Variants in PTCD1 observed in about 807,000 individuals in gnomAD.
The protein encoded by PTCD1 is pentatricopeptide repeat-containing protein 1, mitochondrial.
A neutral mutation model predicts 53.4 loss-of-function variants in PTCD1; 50 were observed. The observed-to-expected ratio is 0.94, with a 90% CI of 0.75 to 1.19. The LOEUF is 1.19. Ranked by LOEUF, PTCD1 falls within the 50% of genes most tolerant of loss-of-function variation. PTCD1 has a pLI of 0.00. For synonymous variants in PTCD1, 413 were observed against 394.8 expected, an observed-to-expected ratio of 1.05 and a Z score of -0.55; for missense variants, 918 against 904.8, an observed-to-expected ratio of 1.01 and a Z score of -0.19.
rs1328284938 is a variant in PTCD1 at position 99,417,797 on chromosome 7, G to T, written c.*2170C>A. On this transcript the variant is annotated 3_prime_UTR_variant, in exon 8 of 8. Transcript: ENST00000292478. ...GTGGCTGTGTGTTTGTTAGGTCTGG[G>T]GTCAATCTCAACTCCACTTTTGGGC... 27 of 1,518,314 alleles carry T rather than the reference G, an allele frequency of 1.8e-5. No individual in the cohort carries two copies. Among genetic ancestry groups the T allele is most frequent in the Non-Finnish European group, 2.2e-5 (25 of 1,138,202 alleles). 94.1% of individuals were successfully genotyped at this position (1,518,314 alleles called of 1,614,324 possible). A position where few individuals can be genotyped will look rare whatever the true frequency, so the allele number is the denominator to read the frequency against.
intron 6 of PTCD1, among the ~76,000 whole-genome samples, chr7:99,424,593 G>A (rs1366334909): frequency 6.6e-6 from 1 of 152,150 alleles, no homozygotes; most frequent in African/African-American, 2.4e-5. Flanking sequence ...GTGTCTCTAC[G>A]CCCAGCCCTG....
Position 99,417,680 on chromosome 7 carries a change from TG to T in PTCD1, c.*2286del, listed in dbSNP as rs1281195801. 6.4e-7 allele frequency: 1 copy of T among 1,570,576 alleles called. No individual in the cohort carries two copies. The highest frequency in any genetic ancestry group is 8.6e-7 in the Non-Finnish European group (1 of 1,164,206). ...TGCAAGGGATCTTATGTTATTTGGT[TG>T]GGCTGGAATGTCGTTTTGTCCCTGG... On this transcript the variant is annotated 3_prime_UTR_variant, in exon 8 of 8. Coordinates refer to ENST00000292478, the MANE Select transcript of PTCD1 (RefSeq NM_015545.4).
In PTCD1 at chr7:99,425,035, G is replaced by A. The variant is rs770336095; in HGVS notation, c.1497C>T (p.Ser499=). 29 of 1,614,066 alleles carry A rather than the reference G, an allele frequency of 1.8e-5. No individual in the cohort carries two copies. The Admixed American group carries it at 3.2e-4, about 18-fold the overall frequency. ...GCAGCAAGGACTCTGCAGGACTCCC[G>A]GACTCCACCACCTCGGCCAGTAGCG... ...TLTLLAEVVE[S]GSPAESLLLA... is the part of the protein sequence containing the mutation. The change falls in exon 6 of 8, where the codon TCC becomes TCT. Residue 499 remains serine (S), a synonymous_variant. Transcript: ENST00000292478.
In PTCD1 at chr7:99,419,362, C is replaced by A; in HGVS notation, c.*605G>T. On this transcript the variant is annotated 3_prime_UTR_variant, in exon 8 of 8. Transcript: ENST00000292478. The stretch of plus-strand genomic sequence containing the variant: ...TGCAGGGGCGAGCGTGGCGCAGTGG[C>A]ATCGTCTCACTGTCCTCCTCCGTTG... The A allele has an allele frequency of 6.2e-7, 1 of 1,612,176 alleles. No homozygotes were observed. The highest frequency in any genetic ancestry group is 1.1e-5 in the South Asian group (1 of 91,078).
intron 5 of PTCD1, among the ~76,000 whole-genome samples, chr7:99,426,014 G>A (rs187983818): frequency 2.6e-5 from 4 of 152,152 alleles, no homozygotes; most frequent in East Asian, 1.9e-4. Flanking sequence ...GCAGTGAGCC[G>A]TGATCATGCC....
At chr7:99,427,381 C>T (rs1431937702) in intron 5 of PTCD1, among the ~76,000 whole-genome samples, 4 of 147,426 alleles carry the variant, frequency 2.7e-5, no homozygotes, top group Non-Finnish European at 6.0e-5. Context: ...CCCGGCCAGC[C>T]GCCCCGTCCG....
chr7:99,424,316 G>A (rs1373069711), intron 6 of PTCD1, among the ~76,000 whole-genome samples: 2 of 152,188 alleles, frequency 1.3e-5, no homozygotes, highest in African/African-American at 4.8e-5. Flanking sequence ...GGGTGAGCCC[G>A]GTAGGGTCCA....
At chr7:99,422,962 A>T (rs775334103) in intron 7 of PTCD1, among the ~76,000 whole-genome samples, 39 of 148,414 alleles carry the variant, frequency 2.6e-4, no homozygotes, top group Non-Finnish European at 5.3e-4. Context: ...GTGGCAACCC[A>T]CTTCTCTGGC....
chr7:99,433,070 A>G, intron 3 of PTCD1: 2 of 703,222 alleles, frequency 2.8e-6, no homozygotes, highest in Non-Finnish European at 4.8e-6. Flanking sequence ...GAAAGGGAAC[A>G]TGGGGACCGC....
intron 1 of PTCD1, 72 bp downstream of exon 1, chr7:99,438,620 G>A: frequency 8.5e-7 from 1 of 1,172,552 alleles, no homozygotes; most frequent in Non-Finnish European, 1.1e-6. Context: ...TCCCGGCTCG[G>A]GCACTTCCTT....
chr7:99,438,517 A>T, intron 1 of PTCD1, 175 bp downstream of exon 1: 1 of 1,118,516 alleles, frequency 8.9e-7, no homozygotes, highest in Non-Finnish European at 1.1e-6. Flanking sequence ...GCCCCTCCTC[A>T]GAGGCCCACC....
chr7:99,417,449 A>G lies in PTCD1; in HGVS notation c.*2518T>C. The G allele has an allele frequency of 6.2e-7, 1 of 1,613,858 alleles. No individual in the cohort carries two copies. Reference sequence around the variant, plus strand: ...GACAGAACTCTATGAATATTGTATTAAAGAAGGCTATGCAGACAAAAACCT... The same window carrying G: ...GACAGAACTCTATGAATATTGTATTGAAGAAGGCTATGCAGACAAAAACCT... On this transcript the variant is annotated 3_prime_UTR_variant, in exon 8 of 8. Transcript: ENST00000292478.
chr7:99,420,636 T>C (rs1273607121), intron 7 of PTCD1, among the ~76,000 whole-genome samples: 1 of 152,160 alleles, frequency 6.6e-6, no homozygotes, highest in African/African-American at 2.4e-5. Flanking sequence ...AAAAGTGCTA[T>C]CCAACATACA....
Position 99,433,392 on chromosome 7 carries a change from CT to C in PTCD1, c.479del (p.Glu160GlyfsTer5). ...GKLVEALDLFERQMLKEERLQ... is the reference protein window; with the variant it reads ...GKLVEALDLFXRQMLKEERLQ... Reference sequence around the variant, plus strand: ...ATCGCTCCTCCTTCAGCATCTGCCTCTCAAACAGGTCCAGGGCTTCAACCAG... The same window carrying C: ...ATCGCTCCTCCTTCAGCATCTGCCTCCAAACAGGTCCAGGGCTTCAACCAG... On this transcript the variant is annotated frameshift_variant, in exon 3 of 8. Transcript: ENST00000292478. LOFTEE classifies it high-confidence loss of function. 1 of 1,614,204 alleles carries C rather than the reference CT, an allele frequency of 6.2e-7. No individual in the cohort carries two copies. Among genetic ancestry groups the C allele is most frequent in the Non-Finnish European group, 8.5e-7 (1 of 1,180,052 alleles).
chr7:99,427,116 G>A (rs1452637092), intron 5 of PTCD1, among the ~76,000 whole-genome samples: 6 of 144,640 alleles, frequency 4.1e-5, no homozygotes, highest in Non-Finnish European at 7.7e-5. Flanking sequence ...CAGCCGCCCC[G>A]TCCGGGAGGG....
At chr7:99,434,533 T>C (rs1796385626) in intron 2 of PTCD1, among the ~76,000 whole-genome samples, 1 of 149,762 alleles carries the variant, frequency 6.7e-6, no homozygotes, top group East Asian at 1.9e-4. Context: ...GACAGACTCT[T>C]GTTCTGTGAC....
intron 3 of PTCD1, among the ~76,000 whole-genome samples, chr7:99,432,021 C>CAGTGTA (rs1796274450): frequency 6.6e-6 from 1 of 152,210 alleles, no homozygotes; most frequent in South Asian, 2.1e-4. Flanking sequence ...ATTCTCCAAT[C>CAGTGTA]TCGAGTACCC....
At chr7:99,438,526 C>G (rs1796588251) in intron 1 of PTCD1, 166 bp downstream of exon 1, 7 of 1,125,234 alleles carry the variant, frequency 6.2e-6, no homozygotes, top group African/African-American at 3.4e-5. Flanking sequence ...CAGAGGCCCA[C>G]CCGGACCCTC....
At chr7:99,422,879 C>G (rs1215310271) in intron 7 of PTCD1, among the ~76,000 whole-genome samples, 1 of 152,160 alleles carries the variant, frequency 6.6e-6, no homozygotes, top group Non-Finnish European at 1.5e-5. Context: ...TCCAACTAAT[C>G]TTTTGCGTCC....
Sources: allele counts gnomAD v4.1 joint callset (sites outside exome capture counted in the v4.1 genomes callset), GRCh38; gene constraint gnomAD v4.1.1; transcripts MANE v1.5; gene names NCBI Gene and HGNC (gene_info 2026-07-23, HGNC 2026-07-21).